ASPH: variants seen among roughly 807,000 people sequenced by gnomAD.
ASPH encodes the protein aspartate beta-hydroxylase.
Under a neutral mutation model 118.4 loss-of-function variants are expected in ASPH, and 100 were observed. The ratio of observed to expected loss-of-function variants is 0.84; its 90% CI spans 0.72 to 1.00. The LOEUF (loss-of-function observed/expected upper bound fraction) is 1.00, where lower values mean the gene tolerates loss of function less well. Among genes scored for constraint, ASPH ranks in the 50% least tolerant of loss-of-function variants. The pLI is 0.00. For synonymous variants in ASPH, 315 were observed against 325.6 expected (o/e 0.97, Z 0.35); for missense variants, 920 against 919.5 (o/e 1.00, Z -0.01).
At chr8:61,689,864 A>C in intron 1 of ASPH, 1 of 1,357,836 alleles carries the variant, frequency 7.4e-7, no homozygotes, top group Non-Finnish European at 9.5e-7. Context: ...ACCTGACTAC[A>C]AACTCTGCTC....
intron 3 of ASPH, chr8:61,663,474 C>T: frequency 1.0e-6 from 1 of 985,372 alleles, no homozygotes; most frequent in African/African-American, 1.7e-5. Flanking sequence ...AATAGAATAA[C>T]TCAGGCAGAA....
intron 21 of ASPH, among the ~76,000 whole-genome samples, chr8:61,536,304 G>T (rs957184222): frequency 1.3e-5 from 2 of 152,160 alleles, no homozygotes; most frequent in African/African-American, 2.4e-5. Flanking sequence ...CTCCCAAAGT[G>T]CTGTGATTAC....
At chr8:61,563,238 T>C (rs1415022656) in intron 17 of ASPH, among the ~76,000 whole-genome samples, 1 of 152,160 alleles carries the variant, frequency 6.6e-6, no homozygotes, top group Non-Finnish European at 1.5e-5. Context: ...TTATTAACTT[T>C]ATGAATAGGG....
intron 18 of ASPH, among the ~76,000 whole-genome samples, chr8:61,558,112 C>T (rs1017607314): frequency 3.3e-5 from 5 of 152,044 alleles, no homozygotes; most frequent in African/African-American, 1.2e-4. Context: ...GTGAGGGAGA[C>T]AGATTTAGAA....
chr8:61,697,634 G>A (rs116302441), intron 1 of ASPH, among the ~76,000 whole-genome samples: 1,705 of 152,288 alleles, frequency 0.011, 36 homozygotes, highest in African/African-American at 0.039. Context: ...GGGGTTCACA[G>A]AACTCAGAGA....
At chr8:61,643,853 T>C (rs1806514513) in intron 8 of ASPH, 92 bp downstream of exon 8, 1 of 940,200 alleles carries the variant, frequency 1.1e-6, no homozygotes, top group Non-Finnish European at 1.7e-6. Flanking sequence ...GGGATCTCTG[T>C]GTTGAATCAC....
intron 14 of ASPH, among the ~76,000 whole-genome samples, chr8:61,611,383 G>T (rs1808133136): frequency 6.6e-6 from 1 of 152,166 alleles, no homozygotes; most frequent in African/African-American, 2.4e-5. Flanking sequence ...GTCACACTCT[G>T]TCATTTCTGC....
intron 19 of ASPH, among the ~76,000 whole-genome samples, chr8:61,554,539 A>G (rs28404181): frequency 0.016 from 2,421 of 152,300 alleles, 82 homozygotes; most frequent in African/African-American, 0.055. Flanking sequence ...CTAGCCACAC[A>G]TTACTGCTAA....
chr8:61,592,698 T>C (rs1841493475), intron 14 of ASPH, among the ~76,000 whole-genome samples: 1 of 152,172 alleles, frequency 6.6e-6, no homozygotes, highest in Non-Finnish European at 1.5e-5. Context: ...TTCAAAGTCA[T>C]CACATAAAGC....
At chr8:61,535,827 G>A (rs575111397) in intron 21 of ASPH, among the ~76,000 whole-genome samples, 18 of 152,242 alleles carry the variant, frequency 1.2e-4, no homozygotes, top group Non-Finnish European at 1.9e-4. Context: ...CCAGGATGGC[G>A]GGGATCCCCC....
chr8:61,713,578 A>G (rs1838593713), intron 1 of ASPH, among the ~76,000 whole-genome samples: 1 of 152,248 alleles, frequency 6.6e-6, no homozygotes, highest in African/African-American at 2.4e-5. Flanking sequence ...CAGATTTAAA[A>G]ATCTGTTCTC....
At chr8:61,554,798 T>A (rs1362562437) in intron 19 of ASPH, among the ~76,000 whole-genome samples, 1 of 152,200 alleles carries the variant, frequency 6.6e-6, no homozygotes, top group Non-Finnish European at 1.5e-5. Flanking sequence ...AGGGCAGTAA[T>A]GCATTCACAG....
At chr8:61,545,818 T>A (rs1823634927) in intron 21 of ASPH, among the ~76,000 whole-genome samples, 1 of 152,242 alleles carries the variant, frequency 6.6e-6, no homozygotes, top group Admixed American at 6.5e-5. Context: ...CTGTAGGGTT[T>A]GATCTGTTGG....
At chr8:61,644,654 T>C in intron 6 of ASPH, 22 bp from the exon 7 acceptor site, 1 of 1,568,564 alleles carries the variant, frequency 6.4e-7, no homozygotes, top group Non-Finnish European at 8.7e-7. Context: ...AAAATTAGAT[T>C]GATATTTACT....
chr8:61,624,463 T>C (rs1852020025), intron 13 of ASPH: 3 of 976,612 alleles, frequency 3.1e-6, no homozygotes, highest in Admixed American at 1.2e-4. Context: ...AAAATACTAG[T>C]AAGGATAAAA....
chr8:61,578,573 G>A (rs1373903363), intron 15 of ASPH: 7 of 1,523,376 alleles, frequency 4.6e-6, no homozygotes, highest in Middle Eastern at 2.1e-4. Flanking sequence ...AGAACAAGAT[G>A]CTGGAGACCA....
intron 16 of ASPH, among the ~76,000 whole-genome samples, chr8:61,570,907 T>C (rs1450593799): frequency 6.6e-6 from 1 of 152,224 alleles, no homozygotes; most frequent in Non-Finnish European, 1.5e-5. Flanking sequence ...TTGTGTCCAA[T>C]GTTCAGGGAA....
chr8:61,602,128 C>A (rs1463360814), intron 14 of ASPH, among the ~76,000 whole-genome samples: 3 of 150,994 alleles, frequency 2.0e-5, no homozygotes, highest in Non-Finnish European at 4.4e-5. Flanking sequence ...ATTATGAAAC[C>A]AAAATCAGAA....
intron 21 of ASPH, among the ~76,000 whole-genome samples, chr8:61,538,250 G>A (rs1820406640): frequency 6.6e-6 from 1 of 152,142 alleles, no homozygotes; most frequent in African/African-American, 2.4e-5. Flanking sequence ...AAAGTTCACC[G>A]TTAAATCATG....
Sources: allele counts gnomAD v4.1 joint callset (sites outside exome capture counted in the v4.1 genomes callset), GRCh38; gene constraint gnomAD v4.1.1; transcripts MANE v1.5; gene names NCBI Gene and HGNC (gene_info 2026-07-23, HGNC 2026-07-21).